Variants in CNIH3 observed in about 807,000 individuals in gnomAD.
CNIH3 encodes the protein cornichon family AMPA receptor auxiliary protein 3, also known as protein cornichon homolog 3.
CNIH3 carries 14 observed loss-of-function variants against 24.1 expected under a neutral mutation model. That is an observed-to-expected ratio of 0.58 (90% CI 0.38 to 0.91). The LOEUF (loss-of-function observed/expected upper bound fraction) is 0.91. Among genes scored for constraint, CNIH3 ranks in the 40% least tolerant of loss-of-function variants. The pLI is 0.00. For synonymous variants in CNIH3, 68 were observed against 73.8 expected, an observed-to-expected ratio of 0.92 and a Z score of 0.40; for missense variants, 178 against 196.8, an observed-to-expected ratio of 0.90 and a Z score of 0.57.
At chr1:224,599,641 A>T (rs1412489273) in intron 3 of CNIH3, among the ~76,000 whole-genome samples, 2 of 151,862 alleles carry the variant, frequency 1.3e-5, no homozygotes, top group Admixed American at 6.6e-5. Flanking sequence ...TAGAATTTAT[A>T]ATTGCTTTGT....
chr1:224,709,972 G>T (rs1239605341), intron 3 of CNIH3, among the ~76,000 whole-genome samples: 2 of 152,046 alleles, frequency 1.3e-5, no homozygotes, highest in East Asian at 1.9e-4. Flanking sequence ...CATAGTAAGA[G>T]ATTAACTTTA....
intron 3 of CNIH3, among the ~76,000 whole-genome samples, chr1:224,600,779 G>C (rs955629255): frequency 6.6e-6 from 1 of 152,294 alleles, no homozygotes; most frequent in South Asian, 2.1e-4. Context: ...TCCCTATAAC[G>C]AGGTAATAAA....
At chr1:224,683,569 G>A (rs1011003844) in intron 2 of CNIH3, among the ~76,000 whole-genome samples, 15 of 152,236 alleles carry the variant, frequency 9.9e-5, no homozygotes, top group African/African-American at 3.4e-4. Flanking sequence ...TGATCCATAT[G>A]ATGCGTCTCT....
intron 3 of CNIH3, among the ~76,000 whole-genome samples, chr1:224,555,959 G>T (rs954060518): frequency 6.6e-6 from 1 of 152,170 alleles, no homozygotes; most frequent in Non-Finnish European, 1.5e-5. Flanking sequence ...CCTTCCTGCC[G>T]CAGCCGGCTT....
At chr1:224,590,814 C>T (rs1681725469), downstream of CNIH3, among the ~76,000 whole-genome samples, 1 of 151,568 alleles carries the variant, frequency 6.6e-6, no homozygotes, top group South Asian at 2.1e-4. Context: ...CCGCCCCGCC[C>T]CCGCAACCCA....
chr1:224,495,838 C>G (rs1017375626), intron 1 of CNIH3, among the ~76,000 whole-genome samples: 2 of 152,116 alleles, frequency 1.3e-5, no homozygotes, highest in African/African-American at 4.8e-5. Context: ...CCTATAATCC[C>G]ATCACTTTGG....
intron 1 of CNIH3, among the ~76,000 whole-genome samples, chr1:224,640,517 A>G (rs1298529921): frequency 6.6e-6 from 1 of 152,252 alleles, no homozygotes; most frequent in East Asian, 1.9e-4. Flanking sequence ...TTCAGAGCTT[A>G]GCAGACTCTC....
intron 3 of CNIH3, among the ~76,000 whole-genome samples, chr1:224,556,697 A>G (rs1435499820): frequency 6.6e-6 from 1 of 152,188 alleles, no homozygotes; most frequent in Admixed American, 6.5e-5. Context: ...GTGAGTATCT[A>G]ATGCTGCCAC....
intron 2 of CNIH3, among the ~76,000 whole-genome samples, chr1:224,534,879 T>C (rs905277638): frequency 6.6e-6 from 1 of 152,212 alleles, no homozygotes; most frequent in South Asian, 2.1e-4. Context: ...TAAGTACCTC[T>C]TGCCAATCCC....
chr1:224,505,016 C>CCCTT lies in CNIH3; in HGVS notation n.204-10722_204-10721insTCCT, dbSNP rs1249832501. On this transcript the variant is annotated intron_variant and non_coding_transcript_variant, in intron 1 of 5. Transcript: ENST00000471578. ...CCTTTCCCTCCCTCCCTCCCTCCCT[C>CCCTT]CCTCCCTCCCTCCCTCCCTTCCTTC... Among the ~76,000 whole-genome samples, 4 of 98,512 alleles carry CCCTT rather than the reference C, an allele frequency of 4.1e-5. 1 individual carries two copies. The highest frequency in any genetic ancestry group is 1.7e-4 in the African/African-American group (4 of 23,734). 64.6% of individuals were successfully genotyped at this position (98,512 alleles called of 152,430 possible).
At chr1:224,681,142 T>C (rs1686380764) in intron 2 of CNIH3, 116 bp downstream of exon 2, 1 of 853,460 alleles carries the variant, frequency 1.2e-6, no homozygotes, top group Non-Finnish European at 2.0e-6. Context: ...TCGCCCTCAC[T>C]GTGCCTCTCT....
chr1:224,650,295 G>A (rs1433005930), intron 1 of CNIH3, among the ~76,000 whole-genome samples: 1 of 152,116 alleles, frequency 6.6e-6, no homozygotes, highest in Non-Finnish European at 1.5e-5. Context: ...GGCGCTCTCT[G>A]CCTAAGGAGC....
chr1:224,499,450 G>A lies in CNIH3; in HGVS notation n.204-16291G>A, dbSNP rs61479600. Among the ~76,000 whole-genome samples, 1,282 of 152,028 alleles carry A rather than the reference G, an allele frequency of 8.4e-3. 16 individuals carry two copies. Among genetic ancestry groups the A allele is most frequent in the African/African-American group, 0.029 (1,196 of 41,468 alleles). ...AGCCGAGACTCATGACTAATCAATC[G>A]TTGTTTTTGTTGGTTTGCTTCTAAT... is the stretch of plus-strand genomic sequence containing the variant. On this transcript the variant is annotated intron_variant and non_coding_transcript_variant, in intron 1 of 5. Transcript: ENST00000471578.
At chr1:224,514,337 A>G (rs989883933), upstream of CNIH3, among the ~76,000 whole-genome samples, 4 of 152,194 alleles carry the variant, frequency 2.6e-5, no homozygotes, top group Non-Finnish European at 5.9e-5. Flanking sequence ...CACTAGATAA[A>G]TATCATCTAG....
At chr1:224,493,799 GA>G (rs1677327967) in intron 1 of CNIH3, among the ~76,000 whole-genome samples, 4 of 152,124 alleles carry the variant, frequency 2.6e-5, no homozygotes, top group Admixed American at 2.6e-4. Context: ...GCAGGGGAGA[GA>G]GTGCGATTCC....
At chr1:224,511,204 G>T (rs1256739971), upstream of CNIH3, among the ~76,000 whole-genome samples, 2 of 152,202 alleles carry the variant, frequency 1.3e-5, no homozygotes, top group Non-Finnish European at 2.9e-5. Flanking sequence ...AGGCCAGAGG[G>T]CTGCTTGTCG....
chr1:224,574,971 T>G lies in CNIH3; in HGVS notation n.517-8193T>G. 3 of 881,218 alleles carry G rather than the reference T, an allele frequency of 3.4e-6. No individual in the cohort carries two copies. The African/African-American group carries it at 4.9e-5, about 14-fold the overall frequency. The allele number at this position is 881,218 out of a possible 1,614,324, so 54.6% of individuals were successfully genotyped here. On this transcript the variant is annotated intron_variant and non_coding_transcript_variant, in intron 4 of 5. Coordinates refer to the CNIH3 transcript ENST00000471578. ...GATCTTAAACAAACCTGACTTAAAGTATAAGTAGGTGGTTAATCAGATTGA... is the reference window on the plus strand; with the variant it reads ...GATCTTAAACAAACCTGACTTAAAGGATAAGTAGGTGGTTAATCAGATTGA...
At chr1:224,549,299 G>A (rs1679823484) in intron 3 of CNIH3, among the ~76,000 whole-genome samples, 1 of 151,968 alleles carries the variant, frequency 6.6e-6, no homozygotes, top group African/African-American at 2.4e-5. Context: ...GTATCAGAGT[G>A]ATGATGTTTC....
intron 3 of CNIH3, among the ~76,000 whole-genome samples, chr1:224,557,231 A>G (rs1371472447): frequency 6.6e-6 from 1 of 151,944 alleles, no homozygotes; most frequent in Non-Finnish European, 1.5e-5. Flanking sequence ...AGTTTTTTGT[A>G]GAGATAGGGT....
Sources: allele counts gnomAD v4.1 joint callset (sites outside exome capture counted in the v4.1 genomes callset), GRCh38; gene constraint gnomAD v4.1.1; transcripts MANE v1.5; gene names NCBI Gene and HGNC (gene_info 2026-07-23, HGNC 2026-07-21).